GAB2: variants seen among roughly 807,000 people sequenced by gnomAD.
The protein encoded by GAB2 is GRB2-associated-binding protein 2.
In GAB2, 26 loss-of-function variants were observed where a neutral mutation model predicts 65.5. The observed-to-expected ratio is 0.40, with a 90% CI of 0.29 to 0.55. GAB2 has a LOEUF of 0.55. GAB2 is among the 20% of genes least tolerant of loss of function. The probability of loss-of-function intolerance (pLI) is 0.53; values close to 1 mark genes in which losing one functional copy is unlikely to be tolerated. For synonymous variants in GAB2, 321 were observed against 329.6 expected (o/e 0.97, Z 0.28); for missense variants, 884 against 875.8 (o/e 1.01, Z -0.12).
intron 1 of GAB2, among the ~76,000 whole-genome samples, chr11:78,358,439 T>TATAATAATA (rs201503823): frequency 0.025 from 2,978 of 117,278 alleles, 81 homozygotes; most frequent in East Asian, 0.11. Context: ...GAACTTAAAA[T>TATAATAATA]ATAATAATAA....
intron 1 of GAB2, among the ~76,000 whole-genome samples, chr11:78,356,892 G>A (rs193224325): frequency 7.2e-5 from 11 of 152,278 alleles, no homozygotes; most frequent in Admixed American, 3.9e-4. Flanking sequence ...AAATAAGCTG[G>A]TCACAAAAGG....
chr11:78,281,516 G>T (rs757906847), intron 1 of GAB2, among the ~76,000 whole-genome samples: 2 of 152,152 alleles, frequency 1.3e-5, no homozygotes, highest in African/African-American at 2.4e-5. Context: ...AAAGTGCTGG[G>T]ATTACAGGCA....
intron 2 of GAB2, among the ~76,000 whole-genome samples, chr11:78,276,111 CAAAAAA>C (rs539148797): frequency 1.0e-5 from 1 of 97,384 alleles, no homozygotes; most frequent in East Asian, 2.9e-4. Flanking sequence ...AAGACTGTCT[CAAAAAA>C]AAAAAAAAAA....
At chr11:78,368,030 A>T in intron 1 of GAB2, among the ~76,000 whole-genome samples, 1 of 151,788 alleles carries the variant, frequency 6.6e-6, no homozygotes, top group African/African-American at 2.4e-5. Context: ...GTTAGCCAAG[A>T]TGGTCTCAAT....
At chr11:78,241,778 GAA>G (rs1456845632) in intron 3 of GAB2, among the ~76,000 whole-genome samples, 4 of 152,184 alleles carry the variant, frequency 2.6e-5, no homozygotes, top group Admixed American at 2.6e-4. Flanking sequence ...GAATACAAAT[GAA>G]AAGAGTGAAG....
At chr11:78,330,551 TGACA>T (rs1475723643) in intron 1 of GAB2, among the ~76,000 whole-genome samples, 1 of 152,096 alleles carries the variant, frequency 6.6e-6, no homozygotes, top group Non-Finnish European at 1.5e-5. Flanking sequence ...TAGTGATAGA[TGACA>T]GAGAAGGAAG....
At chr11:78,373,912 C>A (rs1856602580) in intron 1 of GAB2, among the ~76,000 whole-genome samples, 1 of 152,158 alleles carries the variant, frequency 6.6e-6, no homozygotes, top group Non-Finnish European at 1.5e-5. Flanking sequence ...CAGGCTAGCA[C>A]AGTACCCGAC....
At chr11:78,246,845 G>T (rs1316209389) in intron 3 of GAB2, among the ~76,000 whole-genome samples, 3 of 152,144 alleles carry the variant, frequency 2.0e-5, no homozygotes, top group Non-Finnish European at 2.9e-5. Flanking sequence ...GGCTCAGACT[G>T]CAAGTTCTGT....
intron 1 of GAB2, among the ~76,000 whole-genome samples, chr11:78,322,298 CAAAAAAAAAA>C (rs56709163): frequency 9.3e-3 from 112 of 12,076 alleles, no homozygotes; most frequent in South Asian, 0.032. Context: ...GACTCTGTCT[CAAAAAAAAAA>C]AAAAAAAAAA....
At chr11:78,293,683 C>G (rs1866742422) in intron 1 of GAB2, among the ~76,000 whole-genome samples, 1 of 152,142 alleles carries the variant, frequency 6.6e-6, no homozygotes, top group African/African-American at 2.4e-5. Flanking sequence ...CAAGCCAGCT[C>G]AGAGTCATTA....
At chr11:78,227,808 A>C (rs1864726773) in intron 3 of GAB2, among the ~76,000 whole-genome samples, 1 of 152,046 alleles carries the variant, frequency 6.6e-6, no homozygotes, top group Non-Finnish European at 1.5e-5. Context: ...TCAAAAAAAC[A>C]CACGCCCCAA....
chr11:78,237,980 G>A (rs1313436153), intron 3 of GAB2, among the ~76,000 whole-genome samples: 1 of 152,150 alleles, frequency 6.6e-6, no homozygotes, highest in Non-Finnish European at 1.5e-5. Context: ...TGAACAATGA[G>A]AACACATGGA....
intron 1 of GAB2, among the ~76,000 whole-genome samples, chr11:78,314,270 A>G (rs537403894): frequency 3.3e-5 from 5 of 152,372 alleles, no homozygotes; most frequent in South Asian, 4.1e-4. Flanking sequence ...TGAAAGTGTT[A>G]TAACAGTGAC....
chr11:78,377,824 T>A (rs950852546), intron 1 of GAB2, among the ~76,000 whole-genome samples: 2 of 152,180 alleles, frequency 1.3e-5, no homozygotes, highest in African/African-American at 4.8e-5. Flanking sequence ...TACTTTCTTA[T>A]TTTCCCTCCA....
intron 3 of GAB2, among the ~76,000 whole-genome samples, chr11:78,235,215 C>A (rs866689713): frequency 6.6e-6 from 1 of 151,960 alleles, no homozygotes; most frequent in African/African-American, 2.4e-5. Flanking sequence ...TGCAGTGGCA[C>A]GATCTCGGCT....
rs186100765 is a variant in GAB2, at chr11:78,302,582, A to T, written c.76-21681T>A. 3.0e-3 allele frequency among the ~76,000 whole-genome samples: 451 copies of T among 152,336 alleles called. 2 individuals carry two copies. The highest frequency in any genetic ancestry group is 0.01 in the African/African-American group (419 of 41,562). ...GAAAACTTCCACACAGCTGGTGGGAATGTAAACTAGTACAACCACTATGGA... is the reference window on the plus strand; with the variant it reads ...GAAAACTTCCACACAGCTGGTGGGATTGTAAACTAGTACAACCACTATGGA... On this transcript the variant is annotated intron_variant, in intron 1 of 9. Transcript: ENST00000361507.
intron 1 of GAB2, among the ~76,000 whole-genome samples, chr11:78,392,871 A>G (rs953441467): frequency 6.6e-6 from 1 of 152,028 alleles, no homozygotes; most frequent in African/African-American, 2.4e-5. Flanking sequence ...ACACTGCCCC[A>G]CTCCAAGTGG....
At chr11:78,266,738 G>A (rs1341414789) in intron 2 of GAB2, among the ~76,000 whole-genome samples, 1 of 152,136 alleles carries the variant, frequency 6.6e-6, no homozygotes, top group Non-Finnish European at 1.5e-5. Context: ...TCACTAAGAG[G>A]AGTTCCAAGG....
At chr11:78,340,357 G>A (rs905272336) in intron 1 of GAB2, among the ~76,000 whole-genome samples, 4 of 152,120 alleles carry the variant, frequency 2.6e-5, no homozygotes, top group African/African-American at 9.7e-5. Flanking sequence ...GAACAAAGAT[G>A]GGCTGAGAAT....
Sources: gnomAD v4.1 joint callset for allele counts (sites outside exome capture counted in the v4.1 genomes callset) on GRCh38, gnomAD v4.1.1 for gene constraint, MANE v1.5 for transcripts, NCBI Gene and HGNC (gene_info 2026-07-23, HGNC 2026-07-21) for gene names.